Variants in SCHIP1 observed in about 807,000 individuals in gnomAD.
SCHIP1 encodes schwannomin-interacting protein 1.
A neutral mutation model predicts 29.7 loss-of-function variants in SCHIP1; 8 were observed. The observed-to-expected ratio is 0.27, with a 90% CI of 0.16 to 0.49. The LOEUF (loss-of-function observed/expected upper bound fraction) is 0.49, where lower values mean the gene tolerates loss of function less well. Ranked by LOEUF, SCHIP1 falls within the 20% of genes least tolerant of loss-of-function variation. The pLI is 0.99. For missense variants in SCHIP1, 193 were observed against 294.6 expected (o/e 0.66, Z 2.52); for synonymous variants, 76 against 94.9 (o/e 0.80, Z 1.16).
chr3:159,474,992 G>A, the SCHIP1 span, among the ~76,000 whole-genome samples: 1 of 152,094 alleles, frequency 6.6e-6, no homozygotes, highest in Non-Finnish European at 1.5e-5. Flanking sequence ...ATATATTGCA[G>A]GTGGAAATGT....
chr3:159,617,748 C>T, the SCHIP1 span, among the ~76,000 whole-genome samples: 1 of 152,172 alleles, frequency 6.6e-6, no homozygotes, highest in Non-Finnish European at 1.5e-5. Flanking sequence ...GCTTCAACCA[C>T]CAGGCCTTTG....
At chr3:159,855,199 G>A (rs1713207926) in intron 1 of SCHIP1, among the ~76,000 whole-genome samples, 1 of 152,134 alleles carries the variant, frequency 6.6e-6, no homozygotes, top group Admixed American at 6.5e-5. Context: ...ACCTTCCTCA[G>A]GCAAAGTGTT....
At chr3:159,600,504 T>C in the SCHIP1 span, among the ~76,000 whole-genome samples, 2 of 152,234 alleles carry the variant, frequency 1.3e-5, no homozygotes, top group Admixed American at 6.5e-5. Context: ...ATTTTGCATT[T>C]CCTTCAATGA....
At chr3:159,712,630 C>A in the SCHIP1 span, among the ~76,000 whole-genome samples, 3 of 150,400 alleles carry the variant, frequency 2.0e-5, no homozygotes, top group African/African-American at 7.3e-5. Flanking sequence ...GCAGGAGGAC[C>A]ACTTGAGCCC....
At chr3:159,670,908 C>T in the SCHIP1 span, among the ~76,000 whole-genome samples, 3 of 151,800 alleles carry the variant, frequency 2.0e-5, no homozygotes, top group Admixed American at 1.3e-4. Flanking sequence ...TGTAAGTAAT[C>T]GGGACCAGTT....
the SCHIP1 span, among the ~76,000 whole-genome samples, chr3:159,515,198 T>TAAA: frequency 4.9e-5 from 7 of 143,324 alleles, no homozygotes; most frequent in African/African-American, 1.8e-4. Context: ...AAGTGGTTAT[T>TAAA]AAAAAAAAAA....
chr3:159,609,190 T>A, the SCHIP1 span, among the ~76,000 whole-genome samples: 1 of 152,030 alleles, frequency 6.6e-6, no homozygotes, highest in Non-Finnish European at 1.5e-5. Context: ...TCAAGAAAGG[T>A]TCCACAAAGG....
the SCHIP1 span, among the ~76,000 whole-genome samples, chr3:159,531,792 G>T: frequency 6.6e-6 from 1 of 152,238 alleles, no homozygotes; most frequent in African/African-American, 2.4e-5. Flanking sequence ...TTATTTTACA[G>T]GTCTTAGAAA....
chr3:159,397,755 A>C, the SCHIP1 span, among the ~76,000 whole-genome samples: 1 of 152,168 alleles, frequency 6.6e-6, no homozygotes, highest in East Asian at 1.9e-4. Flanking sequence ...AAGTCTACAG[A>C]GGTTACTGCT....
chr3:159,329,740 T>C, the SCHIP1 span, among the ~76,000 whole-genome samples: 2 of 152,230 alleles, frequency 1.3e-5, no homozygotes, highest in Non-Finnish European at 2.9e-5. Context: ...CTGTTAACAA[T>C]CGAAAACTGT....
At chr3:159,691,753 A>C in the SCHIP1 span, among the ~76,000 whole-genome samples, 1 of 152,044 alleles carries the variant, frequency 6.6e-6, no homozygotes, top group Admixed American at 6.6e-5. Context: ...TTTCCTTCAC[A>C]TATTTACTGC....
the SCHIP1 span, among the ~76,000 whole-genome samples, chr3:159,392,105 C>A: frequency 6.6e-6 from 1 of 152,126 alleles, no homozygotes; most frequent in African/African-American, 2.4e-5. Flanking sequence ...CTGCCCACAT[C>A]TTTGGAAGCA....
At chr3:159,686,838 T>C in the SCHIP1 span, among the ~76,000 whole-genome samples, 4 of 151,760 alleles carry the variant, frequency 2.6e-5, no homozygotes, top group African/African-American at 9.7e-5. Context: ...GATAACTTAG[T>C]AGGCAGTAAC....
the SCHIP1 span, among the ~76,000 whole-genome samples, chr3:159,437,028 T>C: frequency 6.6e-6 from 1 of 152,124 alleles, no homozygotes; most frequent in South Asian, 2.1e-4. Context: ...ATATAAATAT[T>C]GTTCATCCTT....
the SCHIP1 span, among the ~76,000 whole-genome samples, chr3:159,748,374 C>T: frequency 6.6e-6 from 1 of 152,156 alleles, no homozygotes; most frequent in African/African-American, 2.4e-5. Context: ...TAAAGTTTCC[C>T]TTTTGAATAA....
At chr3:159,656,706 G>A in the SCHIP1 span, among the ~76,000 whole-genome samples, 15 of 152,130 alleles carry the variant, frequency 9.9e-5, no homozygotes, top group East Asian at 3.9e-4. Context: ...GAAAGCCCCC[G>A]AACATAGTTC....
chr3:159,401,401 A>G, the SCHIP1 span: 1 of 948,072 alleles, frequency 1.1e-6, no homozygotes, highest in African/African-American at 1.8e-5. Context: ...GTTGAATTAA[A>G]TAATTTTAGA....
At chr3:159,801,713 A>C in the SCHIP1 span, among the ~76,000 whole-genome samples, 1 of 152,170 alleles carries the variant, frequency 6.6e-6, no homozygotes, top group Admixed American at 6.5e-5. Flanking sequence ...TTATTTATTC[A>C]ATAAAAATTC....
intron 1 of SCHIP1, among the ~76,000 whole-genome samples, chr3:159,856,804 C>A (rs1713426501): frequency 6.6e-6 from 1 of 152,208 alleles, no homozygotes; most frequent in South Asian, 2.1e-4. Flanking sequence ...GAAGCCACAG[C>A]TGCGCCTCAT....
Sources: gnomAD v4.1 joint callset for allele counts (sites outside exome capture counted in the v4.1 genomes callset) on GRCh38, gnomAD v4.1.1 for gene constraint, MANE v1.5 for transcripts, NCBI Gene and HGNC (gene_info 2026-07-23, HGNC 2026-07-21) for gene names.